Variants in ADGRL3 observed in about 807,000 individuals in gnomAD.
ADGRL3 encodes the protein calcium-independent alpha-latrotoxin receptor 3.
In ADGRL3, 62 loss-of-function variants were observed where a neutral mutation model predicts 153.5. The ratio of observed to expected loss-of-function variants is 0.40; its 90% CI spans 0.33 to 0.50. The LOEUF (loss-of-function observed/expected upper bound fraction) is 0.50. ADGRL3 is among the 20% of genes least tolerant of loss of function. ADGRL3 has a pLI of 0.47. For missense variants in ADGRL3, 1,641 were observed against 1,859.4 expected, an observed-to-expected ratio of 0.88 and a Z score of 2.16; for synonymous variants, 710 against 672.5, an observed-to-expected ratio of 1.06 and a Z score of -0.86.
At chr4:61,496,453 C>T (rs2098316930) in intron 2 of ADGRL3, among the ~76,000 whole-genome samples, 1 of 150,840 alleles carries the variant, frequency 6.6e-6, no homozygotes, top group Non-Finnish European at 1.5e-5. Context: ...CACCTGAGGT[C>T]GGGAGTTCAA....
intron 9 of ADGRL3, among the ~76,000 whole-genome samples, chr4:61,866,617 G>T (rs2098401801): frequency 6.6e-6 from 1 of 152,104 alleles, no homozygotes; most frequent in Admixed American, 6.5e-5. Flanking sequence ...TGCTGAGGCT[G>T]GAAAACACTC....
rs1265298322 is a variant in ADGRL3 at position 61,347,224 on chromosome 4, A to G, written c.-239-35900A>G. ...TATGTGCCTTTCATTACACCAAAAG[A>G]AAATTTCTGGCTTTAGGAAAATTTT... On this transcript the variant is annotated intron_variant, in intron 1 of 26. Transcript: ENST00000683033. Among the ~76,000 whole-genome samples, 3 of 152,118 alleles carry G rather than the reference A, an allele frequency of 2.0e-5. No individual in the cohort carries two copies. In the East Asian group the frequency reaches 5.8e-4, roughly 29 times the overall value.
At chr4:61,573,381 T>C (rs191247992) in intron 4 of ADGRL3, among the ~76,000 whole-genome samples, 7 of 152,032 alleles carry the variant, frequency 4.6e-5, no homozygotes, top group African/African-American at 1.4e-4. Flanking sequence ...ATAAAGAAAA[T>C]ATTTATTTTC....
At chr4:61,363,062 T>G (rs1486762470) in intron 1 of ADGRL3, among the ~76,000 whole-genome samples, 2 of 152,218 alleles carry the variant, frequency 1.3e-5, no homozygotes, top group African/African-American at 4.8e-5. Flanking sequence ...TCTGTGTTAT[T>G]GATACAGCTG....
chr4:61,848,424 C>T (rs1049015370), intron 9 of ADGRL3, among the ~76,000 whole-genome samples: 2 of 151,590 alleles, frequency 1.3e-5, no homozygotes, highest in African/African-American at 2.4e-5. Flanking sequence ...TCTCTGTCTT[C>T]ACAAGTCCCT....
chr4:61,233,382 A>G (rs537581849), intron 1 of ADGRL3, among the ~76,000 whole-genome samples: 1 of 152,200 alleles, frequency 6.6e-6, no homozygotes, highest in East Asian at 1.9e-4. Flanking sequence ...CTACCATTAT[A>G]CTACTCTTTT....
chr4:61,301,967 C>T (rs1157508920), intron 1 of ADGRL3, among the ~76,000 whole-genome samples: 3 of 152,086 alleles, frequency 2.0e-5, no homozygotes, highest in South Asian at 2.1e-4. Flanking sequence ...GAAATAACTT[C>T]CTAGAAATCA....
chr4:61,842,567 C>G (rs1008010728), intron 9 of ADGRL3, among the ~76,000 whole-genome samples: 1 of 152,016 alleles, frequency 6.6e-6, no homozygotes, highest in African/African-American at 2.4e-5. Flanking sequence ...TGTGAATTAT[C>G]TTCCCCTGGT....
chr4:61,238,238 T>C (rs1753579911), intron 1 of ADGRL3, among the ~76,000 whole-genome samples: 2 of 152,130 alleles, frequency 1.3e-5, no homozygotes, highest in Admixed American at 6.6e-5. Flanking sequence ...TAGATCTTCT[T>C]TATGAGAGAG....
intron 5 of ADGRL3, among the ~76,000 whole-genome samples, chr4:61,616,668 G>A (rs534479807): frequency 8.5e-5 from 13 of 152,232 alleles, no homozygotes; most frequent in African/African-American, 2.4e-4. Context: ...TACTTGAAAC[G>A]TGAAAGGCTG....
chr4:61,839,784 C>CA (rs2097999123), intron 9 of ADGRL3, among the ~76,000 whole-genome samples: 1 of 148,494 alleles, frequency 6.7e-6, no homozygotes, highest in South Asian at 2.1e-4. Context: ...CCCCTCCCCC[C>CA]GAAAAAAAAA....
chr4:61,918,280 G>T (rs1208223229), intron 13 of ADGRL3, among the ~76,000 whole-genome samples: 1 of 152,192 alleles, frequency 6.6e-6, no homozygotes, highest in Admixed American at 6.5e-5. Flanking sequence ...TGGTCTATTT[G>T]CAACCAATTT....
chr4:61,947,824 T>C (rs1240775924), intron 16 of ADGRL3, among the ~76,000 whole-genome samples: 1 of 152,244 alleles, frequency 6.6e-6, no homozygotes, highest in Non-Finnish European at 1.5e-5. Context: ...TTGCAATGTG[T>C]ATTAGAATTA....
At chr4:61,612,479 C>T (rs2091481413) in intron 5 of ADGRL3, among the ~76,000 whole-genome samples, 1 of 152,054 alleles carries the variant, frequency 6.6e-6, no homozygotes, top group African/African-American at 2.4e-5. Flanking sequence ...GTTGGATCAA[C>T]CAAAAATACG....
chr4:61,429,504 A>T (rs1051606953), intron 2 of ADGRL3, among the ~76,000 whole-genome samples: 1 of 152,164 alleles, frequency 6.6e-6, no homozygotes, highest in Non-Finnish European at 1.5e-5. Context: ...ATAATTGTAC[A>T]GTTGATGTAA....
intron 22 of ADGRL3, among the ~76,000 whole-genome samples, chr4:62,030,752 A>G (rs1169528672): frequency 6.6e-6 from 1 of 151,456 alleles, no homozygotes; most frequent in African/African-American, 2.4e-5. Flanking sequence ...AAAGCTTCCA[A>G]ATGACTGATT....
chr4:61,483,747 TA>T (rs147967044), intron 2 of ADGRL3, among the ~76,000 whole-genome samples: 4,718 of 151,722 alleles, frequency 0.031, 257 homozygotes, highest in African/African-American at 0.1. Flanking sequence ...AAAAAATAAA[TA>T]AATAAATTAT....
intron 8 of ADGRL3, among the ~76,000 whole-genome samples, chr4:61,739,927 T>C (rs1028792659): frequency 2.0e-5 from 3 of 152,234 alleles, no homozygotes; most frequent in Non-Finnish European, 2.9e-5. Context: ...ATAAATTGTT[T>C]AGTTGACAAA....
intron 2 of ADGRL3, among the ~76,000 whole-genome samples, chr4:61,398,179 G>C (rs985011959): frequency 1.3e-5 from 2 of 151,414 alleles, no homozygotes; most frequent in African/African-American, 4.8e-5. Context: ...CAAGAATTAA[G>C]AATAAGAAAT....
Sources: gnomAD v4.1 joint callset for allele counts (sites outside exome capture counted in the v4.1 genomes callset) on GRCh38, gnomAD v4.1.1 for gene constraint, MANE v1.5 for transcripts, NCBI Gene and HGNC (gene_info 2026-07-23, HGNC 2026-07-21) for gene names.